PLEC: variants seen among roughly 807,000 people sequenced by gnomAD.
PLEC encodes plectin.
In PLEC, 216 loss-of-function variants were observed where a neutral mutation model predicts 392.8. The ratio of observed to expected loss-of-function variants is 0.55; its 90% confidence interval spans 0.49 to 0.62. The LOEUF is 0.62. PLEC is among the 20% of genes least tolerant of loss of function. The probability of loss-of-function intolerance (pLI) is 0.00; values close to 1 mark genes in which losing one functional copy is unlikely to be tolerated. For missense variants in PLEC, 6,863 were observed against 6,563.4 expected (o/e 1.05, Z -1.58); for synonymous variants, 3,621 against 2,980.6 (o/e 1.21, Z -7.00).
chr8:143,930,163 C>T lies in PLEC; in HGVS notation c.2593G>A (p.Ala865Thr), dbSNP rs782769456. 1.9e-6 allele frequency: 3 copies of T among 1,582,520 alleles called. No individual in the cohort carries two copies. Among genetic ancestry groups the T allele is most frequent in the Non-Finnish European group, 1.7e-6 (2 of 1,170,402 alleles). ...CFLVPPPNQE[A>T]QEAVTRLEAQ... ...ACCCACCTGGTGACGGCCTCCTGGG[C>T]CTCCTGGTTGGGCGGGGGCACCAGG... Residue 865 changes from alanine (A) to threonine (T), a missense_variant, in exon 21 of 32, where the codon GCC (alanine) becomes ACC (threonine). Ala to Thr is a moderately conservative substitution (Grantham distance 58). Transcript: ENST00000345136.
At position 143,923,031 on chromosome 8, in the gene PLEC, C is replaced by T. The variant is rs1554691215; in HGVS notation, c.6898G>A (p.Asp2300Asn). ...GCCAAGGCCCGCTGCTGTGCCAGGT[C>T]CTCCTCTGCCAGCTGCCGCAGTCGC... ...AARLRQLAEE[D>N]LAQQRALAEK... Residue 2300 changes from aspartate to asparagine, a missense_variant, in exon 31 of 32, where the codon GAC becomes AAC. Transcript: ENST00000345136. 6.2e-7 allele frequency: 1 copy of T among 1,611,706 alleles called. No individual in the cohort carries two copies. Among genetic ancestry groups the T allele is most frequent in the Admixed American group, 1.7e-5 (1 of 59,928 alleles).
At position 143,916,285 on chromosome 8, in the gene PLEC, G is replaced by A. The variant is rs1554668487; in HGVS notation, c.13536C>T (p.Gly4512=). 6 of 1,564,344 alleles carry A rather than the reference G, an allele frequency of 3.8e-6. No individual in the cohort carries two copies. Among genetic ancestry groups the A allele is most frequent in the Non-Finnish European group, 5.2e-6 (6 of 1,155,412 alleles). ...RRGSFDATGS[G]FSMTFSSSSY... ...AGGATGAAGAGAAGGTCATGGAGAAGCCGGAGCCGGTGGCGTCAAAGCTGC... is the reference window on the plus strand; with the variant it reads ...AGGATGAAGAGAAGGTCATGGAGAAACCGGAGCCGGTGGCGTCAAAGCTGC... The change falls in exon 32 of 32, where the codon GGC becomes GGT. Residue 4512 remains glycine (G), a synonymous_variant. Transcript: ENST00000345136.
At chr8:143,966,450 GC>G (rs1833095916) in intron 1 of PLEC, among the ~76,000 whole-genome samples, 1 of 152,170 alleles carries the variant, frequency 6.6e-6, no homozygotes, top group Non-Finnish European at 1.5e-5. Flanking sequence ...TGGCTCTTCC[GC>G]CCTCTCTGCC....
Position 143,915,394 on chromosome 8 carries a change from G to A in PLEC, c.*783C>T, listed in dbSNP as rs1554667111. 6.5e-6 allele frequency: 1 copy of A among 152,690 alleles called. No individual in the cohort carries two copies. Among genetic ancestry groups the A allele is most frequent in the African/African-American group, 2.4e-5 (1 of 41,458 alleles). 9.5% of individuals were successfully genotyped at this position (152,690 alleles called of 1,614,324 possible). A position where few individuals can be genotyped will look rare whatever the true frequency, so the allele number is the denominator to read the frequency against. ...GGTGTCCCTGGGCCCAAAGGGGGCT[G>A]GGGCTCCATGGGAGAGAGACGGGCA... On this transcript the variant is annotated 3_prime_UTR_variant, in exon 32 of 32. Transcript: ENST00000345136.
chr8:143,918,721 G>A lies in PLEC; in HGVS notation c.11100C>T (p.Ser3700=), dbSNP rs1554676034. 8.1e-6 allele frequency: 13 copies of A among 1,612,886 alleles called. No homozygotes were observed. In the Admixed American group the frequency reaches 1.2e-4, roughly 14 times the overall value. Residue 3700 remains serine, a synonymous_variant, in exon 32 of 32, where the codon TCC becomes TCT. Transcript: ENST00000345136. ...GSVAGVYLPG[S]RQTLSIYQAL... ...CCTGGTAGATGCTCAGTGTCTGCCT[G>A]GAACCGGGCAGGTAGACACCAGCCA...
At chr8:143,949,019 G>C (rs1831820771) in intron 1 of PLEC, among the ~76,000 whole-genome samples, 1 of 152,202 alleles carries the variant, frequency 6.6e-6, no homozygotes, top group African/African-American at 2.4e-5. Context: ...CAAAGCCGCA[G>C]AGAGAGCCAG....
At position 143,933,036 on chromosome 8, in the gene PLEC, G is replaced by A; in HGVS notation, c.1494C>T (p.Ala498=). 1 of 1,596,882 alleles carries A rather than the reference G, an allele frequency of 6.3e-7. No individual in the cohort carries two copies. Among genetic ancestry groups the A allele is most frequent in the Non-Finnish European group, 8.5e-7 (1 of 1,173,276 alleles). ...YNLRLKAGVA[A]PATQVAQVTL... ...TCACCTGGGCCACCTGGGTTGCAGG[G>A]GCCGCCACGCCTGCCTTCAGCCGTA... The change falls in exon 14 of 32, where the codon GCC becomes GCT. Residue 498 remains alanine (A), a synonymous_variant. Transcript: ENST00000345136.
At chr8:143,950,617 G>T in exon 1 of PLEC, 1 of 1,603,060 alleles carries the variant, frequency 6.2e-7, no homozygotes, top group Non-Finnish European at 8.5e-7. Context: ...GGGGCCGCCG[G>T]TCCTTCTTGG....
Position 143,932,971 on chromosome 8 carries a change from G to A in PLEC, c.1559C>T (p.Ser520Phe), listed in dbSNP as rs201605325. Residue 520 changes from serine (S) to phenylalanine (F), a missense_variant, in exon 14 of 32, where the codon TCC (serine) becomes TTC (phenylalanine). Coordinates refer to ENST00000345136, the MANE Select transcript of PLEC (RefSeq NM_201384.3). ...SVQRRPELED[S>F]TLRYLQDLLA... ...CAGGTCCTGCAGGTAGCGCAGAGTG[G>A]AGTCCTCCAGCTCGGGGCGCCTCTG... 83 of 1,612,166 alleles carry A rather than the reference G, an allele frequency of 5.1e-5. No individual in the cohort carries two copies. Among genetic ancestry groups the A allele is most frequent in the Admixed American group, 3.3e-4 (20 of 59,968 alleles).
At position 143,927,955 on chromosome 8, in the gene PLEC, C is replaced by A. The variant is rs201404741; in HGVS notation, c.3298G>T (p.Gly1100Trp). 3.1e-6 allele frequency: 5 copies of A among 1,601,804 alleles called. No individual in the cohort carries two copies. In the African/African-American group the frequency reaches 4.0e-5, roughly 13 times the overall value. Residue 1100 changes from glycine (G) to tryptophan (W), a missense_variant, in exon 26 of 32, where the codon GGG (glycine) becomes TGG (tryptophan). Coordinates refer to ENST00000345136, the MANE Select transcript of PLEC (RefSeq NM_201384.3). Reference sequence around the variant, plus strand: ...TGGGCCCTGAGCACCTCCTCGGCCCCCTGCGTGCCGCGGATCACCAGGCTG... The same window carrying A: ...TGGGCCCTGAGCACCTCCTCGGCCCACTGCGTGCCGCGGATCACCAGGCTG... ...TISLVIRGTQ[G>W]AEEVLRAHEE...
chr8:143,927,389 T>C, intron 27 of PLEC, 21 bp downstream of exon 27: 14 of 1,608,182 alleles, frequency 8.7e-6, no homozygotes, highest in Non-Finnish European at 1.2e-5. Flanking sequence ...AGCCGCCCCG[T>C]CCCCACCGAC....
chr8:143,974,083 G>A (rs1554745294), upstream of PLEC, among the ~76,000 whole-genome samples: 2 of 152,148 alleles, frequency 1.3e-5, no homozygotes, highest in Non-Finnish European at 2.9e-5. This position sits in a 1 kb window ranked among gnomAD's most constrained non-coding sequence, Gnocchi z 5.9. Flanking sequence ...CACCAATGTC[G>A]GCCACCCTGT....
chr8:143,973,620 G>A, upstream of PLEC: 1 of 780,622 alleles, frequency 1.3e-6, no homozygotes, highest in African/African-American at 1.9e-5. The surrounding 1 kb of genome is among the most constrained non-coding windows in gnomAD (Gnocchi z 5.6). Context: ...GGGCGGGGCG[G>A]GGCCGGGGCC....
In PLEC at chr8:143,930,530, TC is replaced by T; in HGVS notation, c.2310del (p.Lys771ArgfsTer4). On this transcript the variant is annotated frameshift_variant, in exon 20 of 32. Transcript: ENST00000345136. LOFTEE classifies it high-confidence loss of function. ...LEDLLQDAQDEKEQLNEYKGH... is the reference protein window; with the variant it reads ...LEDLLQDAQDXKEQLNEYKGH... ...CCCTTGTACTCGTTCAGCTGTTCCT[TC>T]TCGTCCTGTGGGGGAGGGGCAGCAT... 1 of 1,591,228 alleles carries T rather than the reference TC, an allele frequency of 6.3e-7. No individual in the cohort carries two copies. Among genetic ancestry groups the T allele is most frequent in the Non-Finnish European group, 8.6e-7 (1 of 1,169,160 alleles).
intron 1 of PLEC, among the ~76,000 whole-genome samples, chr8:143,971,113 G>A (rs1833406747): frequency 6.6e-6 from 1 of 152,192 alleles, no homozygotes; most frequent in African/African-American, 2.4e-5. Context: ...GGAGAGCCAG[G>A]GAATGACGTG....
At position 143,923,229 on chromosome 8, in the gene PLEC, G is replaced by T. The variant is rs782319175; in HGVS notation, c.6700C>A (p.Arg2234Ser). Residue 2234 changes from arginine to serine, a missense_variant, in exon 31 of 32, where the codon CGC becomes AGC. By Grantham distance (110) the Arg-to-Ser change is moderately radical. Coordinates refer to ENST00000345136, the MANE Select transcript of PLEC (RefSeq NM_201384.3). ...TTGCTCAGCTCCTCCATCTGCACGC[G>T]CACCGAGAAGAGCTCCTCCTCCACC... Reference protein sequence around the residue: ...SQVEEELFSVRVQMEELSKLK... With the variant: ...SQVEEELFSVSVQMEELSKLK... The T allele has an allele frequency of 6.2e-7, 1 of 1,603,418 alleles. No individual in the cohort carries two copies. The highest frequency in any genetic ancestry group is 1.1e-5 in the South Asian group (1 of 91,048).
At chr8:143,934,133 C>T (rs1418545945) in intron 11 of PLEC, 42 bp from the exon 12 acceptor site, 5 of 1,598,678 alleles carry the variant, frequency 3.1e-6, no homozygotes, top group Admixed American at 1.7e-5. Flanking sequence ...TGGCCGGGTC[C>T]GGCACAGCCC....
Position 143,923,429 on chromosome 8 carries a change from A to G in PLEC, c.6500T>C (p.Met2167Thr). The stretch of plus-strand genomic sequence containing the variant: ...CTCGGCGAATTTCTTATGCTTCTCC[A>G]TCTCCGCGTCAGCTGCCTGCTTCTG... ...LRQKQAADAE[M>T]EKHKKFAEQT... The change falls in exon 31 of 32, where the codon ATG becomes ACG. Residue 2167 changes from methionine (M) to threonine (T), a missense_variant. Transcript: ENST00000345136. 1.2e-6 allele frequency: 2 copies of G among 1,609,714 alleles called. No individual in the cohort carries two copies. Among genetic ancestry groups the G allele is most frequent in the East Asian group, 2.2e-5 (1 of 44,810 alleles).
Position 143,920,970 on chromosome 8 carries a change from T to C in PLEC, c.8851A>G (p.Thr2951Ala), listed in dbSNP as rs782660644. The part of the protein sequence containing the change: ...LLRQFRTGRI[T>A]VEKIIKIIIT... ...ATGATCTTGATGATCTTCTCCACTG[T>C]GATCCGGCCCGTGCGGAACTGCCGC... The change falls in exon 32 of 32, where the codon ACA becomes GCA. Residue 2951 changes from threonine (T) to alanine (A), a missense_variant. Thr to Ala is a moderately conservative substitution (Grantham distance 58, BLOSUM62 0). Coordinates refer to ENST00000345136, the MANE Select transcript of PLEC (RefSeq NM_201384.3). 6.2e-7 allele frequency: 1 copy of C among 1,613,202 alleles called. No homozygotes were observed. The highest frequency in any genetic ancestry group is 1.7e-5 in the Admixed American group (1 of 60,038).
Sources: gnomAD v4.1 joint callset for allele counts (sites outside exome capture counted in the v4.1 genomes callset) on GRCh38, gnomAD v4.1.1 for gene constraint, Gnocchi (gnomAD v3.1) non-coding constraint, MANE v1.5 for transcripts, NCBI Gene and HGNC (gene_info 2026-07-23, HGNC 2026-07-21) for gene names.